TENM4: variants seen among roughly 807,000 people sequenced by gnomAD.
The protein encoded by TENM4 is teneurin transmembrane protein 4.
In TENM4, 82 loss-of-function variants were observed where a neutral mutation model predicts 243.3. The observed-to-expected ratio is 0.34, with a 90% CI of 0.28 to 0.40. The LOEUF (loss-of-function observed/expected upper bound fraction) is 0.40, where lower values mean the gene tolerates loss of function less well. TENM4 is among the 10% of genes least tolerant of loss of function. The pLI is 1.00. For missense variants in TENM4, 3,138 were observed against 3,673.3 expected (o/e 0.85, Z 3.77); for synonymous variants, 1,412 against 1,456.3 (o/e 0.97, Z 0.69).
At chr11:78,786,237 G>A (rs1043372179) in intron 16 of TENM4, among the ~76,000 whole-genome samples, 3 of 152,236 alleles carry the variant, frequency 2.0e-5, no homozygotes, top group Non-Finnish European at 4.4e-5. Context: ...GGGGAAAGGA[G>A]ACAAATGCAG....
intron 15 of TENM4, among the ~76,000 whole-genome samples, chr11:78,788,279 T>G (rs772740137): frequency 7.2e-5 from 11 of 152,248 alleles, no homozygotes; most frequent in Non-Finnish European, 1.2e-4. Context: ...GTTTGAGAAT[T>G]TAACAAATAG....
chr11:79,247,066 C>A (rs1229613147), intron 2 of TENM4, among the ~76,000 whole-genome samples: 1 of 149,842 alleles, frequency 6.7e-6, no homozygotes, highest in Non-Finnish European at 1.5e-5. Context: ...TCCTGAATAT[C>A]CCCAGAGTCT....
chr11:78,866,609 TG>T (rs1419482170), intron 9 of TENM4, among the ~76,000 whole-genome samples: 4 of 137,982 alleles, frequency 2.9e-5, no homozygotes, highest in Non-Finnish European at 4.7e-5. Flanking sequence ...GGGGGAGACA[TG>T]GGGGGAGGGG....
chr11:78,694,941 T>C (rs1479990533), intron 28 of TENM4, among the ~76,000 whole-genome samples: 1 of 152,238 alleles, frequency 6.6e-6, no homozygotes, highest in Non-Finnish European at 1.5e-5. Context: ...TCAGTCATGA[T>C]ATCCTTCAAC....
At chr11:79,110,035 A>G (rs1861468545) in intron 4 of TENM4, among the ~76,000 whole-genome samples, 1 of 152,204 alleles carries the variant, frequency 6.6e-6, no homozygotes, top group African/African-American at 2.4e-5. Flanking sequence ...TCCTGCTGGC[A>G]CATTCCTACT....
Position 79,015,508 on chromosome 11 carries a change from GTA to G in TENM4, c.493+49228_493+49229del, listed in dbSNP as rs1554991237. Among the ~76,000 whole-genome samples the G allele has an allele frequency of 6.7e-5, 10 of 150,206 alleles. No individual in the cohort carries two copies. The South Asian group carries it at 1.3e-3, about 19-fold the overall frequency. On this transcript the variant is annotated intron_variant, in intron 6 of 33. Transcript: ENST00000278550. ...TGTGTGTGTGTGTGTGTGTGTGTGTGTATGTATTCTAAGAAACATTTTTATTG... is the reference window on the plus strand; with the variant it reads ...TGTGTGTGTGTGTGTGTGTGTGTGTGTGTATTCTAAGAAACATTTTTATTG...
At chr11:78,914,530 A>G (rs911779905) in intron 6 of TENM4, among the ~76,000 whole-genome samples, 2 of 152,176 alleles carry the variant, frequency 1.3e-5, no homozygotes, top group Non-Finnish European at 2.9e-5. Flanking sequence ...AAGCAGGGCT[A>G]ATATAATGAG....
intron 2 of TENM4, among the ~76,000 whole-genome samples, chr11:79,272,841 T>C (rs1242405489): frequency 6.6e-6 from 1 of 152,188 alleles, no homozygotes; most frequent in African/African-American, 2.4e-5. Flanking sequence ...TGCTTGGGTT[T>C]CTTGGACTTT....
chr11:79,119,765 C>A (rs986035454), intron 4 of TENM4, among the ~76,000 whole-genome samples: 3 of 152,148 alleles, frequency 2.0e-5, no homozygotes, highest in Non-Finnish European at 1.5e-5. Context: ...GACTGGCAGC[C>A]CGCCCCTCTA....
At chr11:79,115,819 T>C (rs1340376369) in intron 4 of TENM4, among the ~76,000 whole-genome samples, 2 of 152,198 alleles carry the variant, frequency 1.3e-5, no homozygotes, top group African/African-American at 4.8e-5. Flanking sequence ...TCCTATCATA[T>C]CTGCCAGGCA....
intron 1 of TENM4, among the ~76,000 whole-genome samples, chr11:79,433,902 C>T (rs538358006): frequency 4.6e-5 from 7 of 152,296 alleles, no homozygotes; most frequent in South Asian, 2.1e-4. Context: ...ACCAACAGAG[C>T]GGGCTCCCTC....
intron 6 of TENM4, among the ~76,000 whole-genome samples, chr11:79,043,245 T>C (rs1859581051): frequency 6.6e-6 from 1 of 152,268 alleles, no homozygotes; most frequent in Non-Finnish European, 1.5e-5. Context: ...ATTGTGTTCA[T>C]ACCTCAGATC....
chr11:79,409,110 GCGCGTGCGTGCA>G (rs1858641424), intron 1 of TENM4, among the ~76,000 whole-genome samples: 1 of 144,622 alleles, frequency 6.9e-6, no homozygotes, highest in African/African-American at 2.7e-5. Context: ...GTGCGCGCGC[GCGCGTGCGTGCA>G]CGCGCACGCA....
chr11:79,310,030 A>T (rs1436297462), intron 1 of TENM4, among the ~76,000 whole-genome samples: 1 of 152,160 alleles, frequency 6.6e-6, no homozygotes, highest in Non-Finnish European at 1.5e-5. Context: ...CTCTGGCTCC[A>T]GCAACACATG....
chr11:79,227,246 C>T (rs1013695834), intron 2 of TENM4, among the ~76,000 whole-genome samples: 2 of 152,216 alleles, frequency 1.3e-5, no homozygotes, highest in Non-Finnish European at 2.9e-5. Flanking sequence ...GAACTATCAC[C>T]TCCTCTTATT....
At chr11:79,400,310 A>T (rs1327260351) in intron 1 of TENM4, among the ~76,000 whole-genome samples, 3 of 142,928 alleles carry the variant, frequency 2.1e-5, no homozygotes, top group African/African-American at 7.7e-5. Context: ...TTCCTTAACC[A>T]TTTTTTTTTT....
intron 6 of TENM4, among the ~76,000 whole-genome samples, chr11:79,001,555 G>T (rs1858329374): frequency 6.6e-6 from 1 of 152,194 alleles, no homozygotes; most frequent in Non-Finnish European, 1.5e-5. Context: ...GCTCCAGCCT[G>T]CGCAGAGCCC....
At chr11:79,333,149 G>A (rs1857088739) in intron 1 of TENM4, among the ~76,000 whole-genome samples, 1 of 152,140 alleles carries the variant, frequency 6.6e-6, no homozygotes, top group South Asian at 2.1e-4. Flanking sequence ...GGGAGACTGA[G>A]TACCATCCCC....
At chr11:79,391,595 G>GT (rs946590991) in intron 1 of TENM4, among the ~76,000 whole-genome samples, 7 of 152,020 alleles carry the variant, frequency 4.6e-5, no homozygotes, top group East Asian at 1.9e-4. Context: ...AAAAGGTTGG[G>GT]TTTTTTTTAT....
Sources: gnomAD v4.1 joint callset for allele counts (sites outside exome capture counted in the v4.1 genomes callset) on GRCh38, gnomAD v4.1.1 for gene constraint, MANE v1.5 for transcripts, NCBI Gene and HGNC (gene_info 2026-07-23, HGNC 2026-07-21) for gene names.